The following ARHGAP23 variants were observed in gnomAD, a reference collection of about 807,000 sequenced individuals.
ARHGAP23 encodes rho GTPase-activating protein 23.
ARHGAP23 carries 34 observed loss-of-function variants against 136.3 expected under a neutral mutation model. The ratio of observed to expected loss-of-function variants is 0.25; its 90% confidence interval spans 0.19 to 0.33. ARHGAP23 has a LOEUF of 0.33. Ranked by LOEUF, ARHGAP23 falls within the 10% of genes least tolerant of loss-of-function variation. ARHGAP23 has a pLI of 1.00. For missense variants in ARHGAP23, 1,808 were observed against 2,139.0 expected, an observed-to-expected ratio of 0.85 and a Z score of 3.05; for synonymous variants, 832 against 920.5, an observed-to-expected ratio of 0.90 and a Z score of 1.74.
At position 38,487,357 on chromosome 17, in the gene ARHGAP23, G is replaced by C. The variant is rs1389571001; in HGVS notation, c.2986+1217G>C. Reference sequence around the variant, plus strand: ...TCAAATGTTTGCTATTACACAACCTGTTGCAATGGCTTTCCTTGAATAAGT... The same window carrying C: ...TCAAATGTTTGCTATTACACAACCTCTTGCAATGGCTTTCCTTGAATAAGT... On this transcript the variant is annotated intron_variant, in intron 17 of 23. Transcript: ENST00000622683. Among the ~76,000 whole-genome samples the C allele has an allele frequency of 5.9e-5, 9 of 152,202 alleles. No individual in the cohort carries two copies. In the East Asian group the frequency reaches 1.7e-3, roughly 29 times the overall value.
At chr17:38,447,802 C>T (rs955251802) in intron 1 of ARHGAP23, among the ~76,000 whole-genome samples, 1 of 151,992 alleles carries the variant, frequency 6.6e-6, no homozygotes, top group African/African-American at 2.4e-5. Flanking sequence ...ATCAGGGGTA[C>T]GGAGGGGTTG....
At chr17:38,447,459 A>G (rs1339986933) in intron 1 of ARHGAP23, among the ~76,000 whole-genome samples, 1 of 150,526 alleles carries the variant, frequency 6.6e-6, no homozygotes, top group Non-Finnish European at 1.5e-5. Context: ...AAAAAAAAAA[A>G]AAAAAAGAAA....
At chr17:38,463,256 C>T in intron 5 of ARHGAP23, 60 bp downstream of exon 5, 4 of 1,550,116 alleles carry the variant, frequency 2.6e-6, no homozygotes, top group Non-Finnish European at 3.5e-6. Context: ...CTGGGGATGC[C>T]CTGGAGACCA....
At chr17:38,469,817 C>T in intron 9 of ARHGAP23, 30 bp from the exon 10 acceptor site, 1 of 1,551,170 alleles carries the variant, frequency 6.4e-7, no homozygotes, top group Non-Finnish European at 8.7e-7. Context: ...TTGCTGCCCA[C>T]ATCCCTCACC....
At chr17:38,508,736 G>T (rs898952615) in intron 23 of ARHGAP23, among the ~76,000 whole-genome samples, 5 of 152,156 alleles carry the variant, frequency 3.3e-5, no homozygotes, top group Admixed American at 6.5e-5. Flanking sequence ...GTGGAGGAGA[G>T]AGGGAGGAGT....
At position 38,510,346 on chromosome 17, in the gene ARHGAP23, C is replaced by T. The variant is rs996091527; in HGVS notation, c.3850C>T (p.His1284Tyr). Residue 1284 changes from histidine (H) to tyrosine (Y), a missense_variant, in exon 24 of 24, where the codon CAC becomes TAC. By Grantham distance (83) the His-to-Tyr change is moderately conservative (BLOSUM62 2). Around this residue, in one of 7 missense-constraint regions of ARHGAP23, gnomAD observed 506 missense variants for 455.8 expected, o/e 1.11. Coordinates refer to ENST00000622683, the MANE Select transcript of ARHGAP23 (RefSeq NM_001199417.2). This position sits in a 1 kb window ranked among gnomAD's most constrained non-coding sequence, Gnocchi z 4.6. ...GGACGACGAGCGTAGCGAGCTGAGC[C>T]ACGTGGAGACGGACACTGAGGGCGC... is the stretch of plus-strand genomic sequence containing the variant. Reference protein sequence around the residue: ...EADDERSELSHVETDTEGAAG... With the variant: ...EADDERSELSYVETDTEGAAG... 1.5e-5 allele frequency: 19 copies of T among 1,251,964 alleles called. No individual in the cohort carries two copies. In the African/African-American group the frequency reaches 2.2e-4, roughly 14 times the overall value. 77.6% of individuals were successfully genotyped at this position (1,251,964 alleles called of 1,614,324 possible).
Position 38,510,730 on chromosome 17 carries a change from A to T in ARHGAP23, c.4234A>T (p.Ser1412Cys). The T allele has an allele frequency of 1.4e-6, 2 of 1,473,892 alleles. No homozygotes were observed. The highest frequency in any genetic ancestry group is 2.7e-5 in the Admixed American group (1 of 37,558). The allele number at this position is 1,473,892 out of a possible 1,614,324, so 91.3% of individuals were successfully genotyped here. A position where few individuals can be genotyped will look rare whatever the true frequency, so the allele number is the denominator to read the frequency against. ...GCGCCGCCACACCGTGGTGGTGCAGAGCCCGCTGACTGACCTCAACTTCAA... is the reference window on the plus strand; with the variant it reads ...GCGCCGCCACACCGTGGTGGTGCAGTGCCCGCTGACTGACCTCAACTTCAA... ...SWRRHTVVVQSPLTDLNFNEW... is the reference protein window; with the variant it reads ...SWRRHTVVVQCPLTDLNFNEW... The change falls in exon 24 of 24, where the codon AGC (serine) becomes TGC (cysteine). Residue 1412 changes from serine to cysteine, a missense_variant. Transcript: ENST00000622683. The surrounding 1 kb of genome is among the most constrained non-coding windows in gnomAD (Gnocchi z 4.6).
Position 38,510,877 on chromosome 17 carries a change from G to A in ARHGAP23, c.4381G>A (p.Ala1461Thr), listed in dbSNP as rs1189993202. 1.3e-6 allele frequency: 2 copies of A among 1,495,544 alleles called. No individual in the cohort carries two copies. Among genetic ancestry groups the A allele is most frequent in the East Asian group, 2.8e-5 (1 of 35,864 alleles). 92.6% of individuals were successfully genotyped at this position (1,495,544 alleles called of 1,614,324 possible). The part of the protein sequence containing the change: ...ESTKARAPSS[A>T]ASQPPAPGDT... ...CACCAAGGCGCGGGCCCCGTCGTCCGCTGCCTCGCAGCCGCCCGCGCCCGG... is the reference window on the plus strand; with the variant it reads ...CACCAAGGCGCGGGCCCCGTCGTCCACTGCCTCGCAGCCGCCCGCGCCCGG... The change falls in exon 24 of 24, where the codon GCT (alanine) becomes ACT (threonine). Residue 1461 changes from alanine to threonine, a missense_variant. Ala to Thr is a moderately conservative substitution (Grantham distance 58). Transcript: ENST00000622683. This position sits in a 1 kb window ranked among gnomAD's most constrained non-coding sequence, Gnocchi z 4.6.
chr17:38,492,532 A>C (rs2040300775), intron 20 of ARHGAP23, among the ~76,000 whole-genome samples: 2 of 152,224 alleles, frequency 1.3e-5, no homozygotes, highest in African/African-American at 2.4e-5. Flanking sequence ...GCCAGATCTG[A>C]CTAACCAAAG....
intron 11 of ARHGAP23, among the ~76,000 whole-genome samples, chr17:38,474,252 G>A (rs1449516870): frequency 2.0e-5 from 3 of 152,218 alleles, no homozygotes; most frequent in Non-Finnish European, 4.4e-5. Flanking sequence ...GGCTGGGGAT[G>A]GCAGGAGACT....
intron 3 of ARHGAP23, among the ~76,000 whole-genome samples, chr17:38,461,496 C>T (rs904679895): frequency 1.3e-5 from 2 of 152,204 alleles, no homozygotes; most frequent in Non-Finnish European, 2.9e-5. Context: ...TCTCTGGCAG[C>T]CTTCCTGCTC....
intron 3 of ARHGAP23, among the ~76,000 whole-genome samples, chr17:38,461,831 T>C (rs1567794152): frequency 6.6e-6 from 1 of 152,206 alleles, no homozygotes; most frequent in South Asian, 2.1e-4. Flanking sequence ...AGAACTGTTA[T>C]GGCCTCTTGT....
chr17:38,498,609 C>A (rs1457010895), intron 22 of ARHGAP23, 99 bp downstream of exon 22: 3 of 991,558 alleles, frequency 3.0e-6, no homozygotes, highest in Non-Finnish European at 4.3e-6. Flanking sequence ...CCTGTGCCAC[C>A]CCAGCGGGGC....
intron 3 of ARHGAP23, 98 bp downstream of exon 3, chr17:38,461,030 C>G (rs2039448574): frequency 6.7e-7 from 1 of 1,482,740 alleles, no homozygotes; most frequent in Non-Finnish European, 9.0e-7. Context: ...CTTTTCTGTG[C>G]CCCCCTCCCT....
intron 1 of ARHGAP23, among the ~76,000 whole-genome samples, chr17:38,446,181 ATTTTT>A (rs5820259): frequency 0.07 from 7,024 of 99,648 alleles, 235 homozygotes; most frequent in Middle Eastern, 0.16. Context: ...CACCTGGCTA[ATTTTT>A]TTTTTTTTTT....
Position 38,489,325 on chromosome 17 carries a change from G to A in ARHGAP23, c.2987-777G>A, listed in dbSNP as rs1371921310. ...TATAATTTTCACAGTTGGCTCTGCC[G>A]TGTGATTGCATTTGTGTATTGTGAG... On this transcript the variant is annotated intron_variant, in intron 17 of 23. Transcript: ENST00000622683. Among the ~76,000 whole-genome samples the A allele has an allele frequency of 3.9e-5, 6 of 152,210 alleles. No homozygotes were observed. The South Asian group carries it at 6.2e-4, about 16-fold the overall frequency.
At chr17:38,428,101 C>A (rs1025248183), upstream of ARHGAP23, among the ~76,000 whole-genome samples, 5 of 152,176 alleles carry the variant, frequency 3.3e-5, no homozygotes, top group African/African-American at 9.7e-5. Context: ...TCCCTCCCTC[C>A]CTATCCCCGT....
chr17:38,508,727 TGGA>T (rs954795364), intron 23 of ARHGAP23, among the ~76,000 whole-genome samples: 2 of 150,992 alleles, frequency 1.3e-5, no homozygotes, highest in African/African-American at 4.9e-5. Context: ...TGGCTGTGGG[TGGA>T]GGAGAGAGGG....
At chr17:38,424,901 T>C (rs1000418974), upstream of ARHGAP23, among the ~76,000 whole-genome samples, 1 of 152,216 alleles carries the variant, frequency 6.6e-6, no homozygotes, top group African/African-American at 2.4e-5. Context: ...GTCCCCTCTC[T>C]CTGTGAACAC....
Sources: allele counts gnomAD v4.1 joint callset (sites outside exome capture counted in the v4.1 genomes callset), GRCh38; gene constraint gnomAD v4.1.1; regional missense constraint gnomAD v4.1.1; non-coding constraint Gnocchi (gnomAD v3.1); transcripts MANE v1.5; gene names NCBI Gene and HGNC (gene_info 2026-07-23, HGNC 2026-07-21).